Variants in FER1L6 observed in about 807,000 individuals in gnomAD.
FER1L6 encodes fer-1-like protein 6.
FER1L6 carries 177 observed loss-of-function variants against 219.2 expected under a neutral mutation model. The ratio of observed to expected loss-of-function variants is 0.81; its 90% CI spans 0.71 to 0.91. The LOEUF is 0.91. Among genes scored for constraint, FER1L6 ranks in the 40% least tolerant of loss-of-function variants. The probability of loss-of-function intolerance (pLI) is 0.00; values close to 1 mark genes in which losing one functional copy is unlikely to be tolerated. For missense variants in FER1L6, 2,153 were observed against 2,259.9 expected (o/e 0.95, Z 0.96); for synonymous variants, 768 against 824.3 (o/e 0.93, Z 1.17).
At chr8:124,053,343 T>TGACA (rs1820136451) in intron 22 of FER1L6, among the ~76,000 whole-genome samples, 1 of 152,234 alleles carries the variant, frequency 6.6e-6, no homozygotes, top group Admixed American at 6.5e-5. Context: ...TGCTGCTTCC[T>TGACA]GACAGCCGAC....
intron 1 of FER1L6, among the ~76,000 whole-genome samples, chr8:123,940,364 T>C (rs1394258439): frequency 6.6e-6 from 1 of 152,134 alleles, no homozygotes; most frequent in Non-Finnish European, 1.5e-5. Context: ...ACTTTTTTTT[T>C]TGAGACAGCG....
At chr8:123,969,061 T>G (rs1744271699) in intron 5 of FER1L6, among the ~76,000 whole-genome samples, 1 of 152,168 alleles carries the variant, frequency 6.6e-6, no homozygotes, top group African/African-American at 2.4e-5. Context: ...GGATCTTGAC[T>G]CAAGAGTCAG....
intron 12 of FER1L6, among the ~76,000 whole-genome samples, chr8:123,986,860 A>T (rs1333394692): frequency 6.6e-6 from 1 of 152,088 alleles, no homozygotes; most frequent in African/African-American, 2.4e-5. Flanking sequence ...ATTCTTTTTC[A>T]TGGATGAATA....
rs146586217 is a variant in FER1L6 at position 124,052,691 on chromosome 8, G to A, written c.2874+2935G>A. ...TCCCAGCTACTCCGGAGGCTGAGGC[G>A]CCTGAATCACTTGAACCCAGGAGGC... On this transcript the variant is annotated intron_variant, in intron 22 of 40. Transcript: ENST00000522917. 9.1e-3 allele frequency among the ~76,000 whole-genome samples: 1,382 copies of A among 152,056 alleles called. 27 individuals are homozygous for A. Among genetic ancestry groups the A allele is most frequent in the African/African-American group, 0.032 (1,326 of 41,482 alleles).
At chr8:124,049,864 T>G in intron 22 of FER1L6, 108 bp downstream of exon 22, 1 of 1,143,044 alleles carries the variant, frequency 8.7e-7, no homozygotes, top group Non-Finnish European at 1.3e-6. Context: ...CTCGCTGCAA[T>G]CCCACATCTG....
At chr8:123,949,219 T>A (rs935120611) in intron 1 of FER1L6, among the ~76,000 whole-genome samples, 3 of 152,228 alleles carry the variant, frequency 2.0e-5, no homozygotes, top group African/African-American at 7.2e-5. Flanking sequence ...CAAATCCATT[T>A]GGAAAAGTCT....
intron 1 of FER1L6, among the ~76,000 whole-genome samples, chr8:123,909,526 G>A (rs1237427361): frequency 6.6e-6 from 1 of 152,180 alleles, no homozygotes; most frequent in African/African-American, 2.4e-5. Flanking sequence ...ATGAGGATCT[G>A]AGCATAGACT....
chr8:124,027,844 G>A (rs1164257390), intron 18 of FER1L6, among the ~76,000 whole-genome samples: 1 of 152,126 alleles, frequency 6.6e-6, no homozygotes, highest in South Asian at 2.1e-4. Context: ...TTACAGACGA[G>A]AGCCATTGTG....
intron 1 of FER1L6, among the ~76,000 whole-genome samples, chr8:123,913,469 T>C (rs909269643): frequency 6.6e-6 from 1 of 152,216 alleles, no homozygotes; most frequent in Non-Finnish European, 1.5e-5. Context: ...TGTGTTTTTT[T>C]ACTTTGGGCT....
intron 5 of FER1L6, 128 bp from the exon 6 acceptor site, chr8:123,969,907 C>A (rs1586533770): frequency 1.2e-5 from 7 of 608,204 alleles, no homozygotes; most frequent in Middle Eastern, 2.9e-4. Flanking sequence ...AATTGACAAT[C>A]AATTGATGAT....
At chr8:123,869,400 T>C (rs982981254) in intron 1 of FER1L6, among the ~76,000 whole-genome samples, 1 of 152,176 alleles carries the variant, frequency 6.6e-6, no homozygotes, top group Non-Finnish European at 1.5e-5. Context: ...TGGAGATCCT[T>C]CCATTGTCTC....
chr8:123,885,919 A>C (rs1817193503), intron 1 of FER1L6, among the ~76,000 whole-genome samples: 1 of 152,168 alleles, frequency 6.6e-6, no homozygotes, highest in Admixed American at 6.5e-5. Flanking sequence ...GACCTCATAC[A>C]CACTTGCTCC....
At chr8:124,031,036 G>T (rs1818942123) in intron 18 of FER1L6, among the ~76,000 whole-genome samples, 1 of 151,990 alleles carries the variant, frequency 6.6e-6, no homozygotes, top group South Asian at 2.1e-4. Flanking sequence ...GTTTTTCTCT[G>T]TTGTGTTTTC....
intron 11 of FER1L6, among the ~76,000 whole-genome samples, chr8:123,982,048 T>C (rs1181862011): frequency 6.6e-6 from 1 of 152,146 alleles, no homozygotes; most frequent in African/African-American, 2.4e-5. Flanking sequence ...TGAGCTCACA[T>C]ACTGTATTGG....
intron 1 of FER1L6, among the ~76,000 whole-genome samples, chr8:123,861,282 A>G (rs1482181553): frequency 7.9e-5 from 10 of 126,208 alleles, no homozygotes; most frequent in Admixed American, 1.6e-4. Flanking sequence ...GTCAAAGATC[A>G]GATAGTTGTA....
At chr8:124,060,129 G>A (rs1820490593) in intron 22 of FER1L6, 51 bp from the exon 23 acceptor site, 1 of 1,396,168 alleles carries the variant, frequency 7.2e-7, no homozygotes. Flanking sequence ...TGGCACTGTT[G>A]CCTTCCCTGT....
At chr8:124,002,804 C>T (rs1015763959) in intron 12 of FER1L6, among the ~76,000 whole-genome samples, 1 of 150,020 alleles carries the variant, frequency 6.7e-6, no homozygotes, top group African/African-American at 2.5e-5. Flanking sequence ...TACAAAATGA[C>T]GTATCTATGA....
intron 15 of FER1L6, among the ~76,000 whole-genome samples, chr8:124,015,603 A>C (rs192271076): frequency 1.0e-5 from 1 of 99,410 alleles, no homozygotes; most frequent in African/African-American, 6.3e-5. Context: ...ATATATATAT[A>C]TATATATATA....
chr8:123,961,454 T>A (rs1815272560), intron 2 of FER1L6, among the ~76,000 whole-genome samples: 1 of 152,212 alleles, frequency 6.6e-6, no homozygotes, highest in Non-Finnish European at 1.5e-5. Flanking sequence ...TTTGTTAACT[T>A]AAATCATACA....
Sources: allele counts gnomAD v4.1 joint callset (sites outside exome capture counted in the v4.1 genomes callset), GRCh38; gene constraint gnomAD v4.1.1; transcripts MANE v1.5; gene names NCBI Gene and HGNC (gene_info 2026-07-23, HGNC 2026-07-21).